The following DOCK4 variants were observed in gnomAD, a reference collection of about 807,000 sequenced individuals.
The protein encoded by DOCK4 is dedicator of cytokinesis 4.
Under a neutral mutation model 268.1 loss-of-function variants are expected in DOCK4, and 97 were observed. The ratio of observed to expected loss-of-function variants is 0.36; its 90% CI spans 0.31 to 0.43. The LOEUF (loss-of-function observed/expected upper bound fraction) is 0.43. Among genes scored for constraint, DOCK4 ranks in the 20% least tolerant of loss-of-function variants. The pLI is 1.00. For synonymous variants in DOCK4, 954 were observed against 887.2 expected, an observed-to-expected ratio of 1.08 and a Z score of -1.34; for missense variants, 2,145 against 2,455.7, an observed-to-expected ratio of 0.87 and a Z score of 2.67.
rs184897030 is a variant in DOCK4 at position 112,200,815 on chromosome 7, G to A, written c.37+5287C>T. Reference sequence around the variant, plus strand: ...GGGCCTTGTGAAGAACTGTCACTTAGGGGAATGACCAAAAGAGGGGAACAT... The same window carrying A: ...GGGCCTTGTGAAGAACTGTCACTTAAGGGAATGACCAAAAGAGGGGAACAT... On this transcript the variant is annotated intron_variant, in intron 1 of 52. Coordinates refer to ENST00000428084, the MANE Select transcript of DOCK4 (RefSeq NM_001363540.2). Among the ~76,000 whole-genome samples, 10 of 150,490 alleles carry A rather than the reference G, an allele frequency of 6.6e-5. No homozygotes were observed. The East Asian group carries it at 1.2e-3, about 18-fold the overall frequency.
At chr7:112,166,862 C>T (rs114951323) in intron 1 of DOCK4, among the ~76,000 whole-genome samples, 2,665 of 151,870 alleles carry the variant, frequency 0.018, 38 homozygotes, top group Middle Eastern at 0.055. Context: ...GACAGAGTCT[C>T]GCCATGTTGC....
chr7:111,921,597 G>C (rs935942288), intron 12 of DOCK4, among the ~76,000 whole-genome samples: 1 of 152,162 alleles, frequency 6.6e-6, no homozygotes, highest in Non-Finnish European at 1.5e-5. Flanking sequence ...TTGTTACTAA[G>C]TGTGCAGTTT....
At chr7:111,847,483 T>C (rs1263830770) in intron 23 of DOCK4, among the ~76,000 whole-genome samples, 1 of 152,152 alleles carries the variant, frequency 6.6e-6, no homozygotes, top group Non-Finnish European at 1.5e-5. Flanking sequence ...TGTTTTTTTT[T>C]TTCCCCCTTG....
intron 1 of DOCK4, among the ~76,000 whole-genome samples, chr7:112,090,759 G>T (rs1809549480): frequency 1.3e-5 from 2 of 152,288 alleles, no homozygotes; most frequent in South Asian, 4.1e-4. Flanking sequence ...CAATAAACAT[G>T]CACTGAATGG....
intron 8 of DOCK4, among the ~76,000 whole-genome samples, chr7:111,957,704 T>G (rs909082859): frequency 6.6e-6 from 1 of 152,182 alleles, no homozygotes; most frequent in African/African-American, 2.4e-5. Context: ...GTGTTCCCAG[T>G]GTCCAAATGA....
intron 1 of DOCK4, among the ~76,000 whole-genome samples, chr7:112,173,937 A>C (rs1168882479): frequency 1.3e-5 from 2 of 152,128 alleles, no homozygotes; most frequent in Non-Finnish European, 2.9e-5. Flanking sequence ...AGCCCTGGGC[A>C]GGTGACCCAC....
chr7:112,144,595 T>C (rs1466651041), intron 1 of DOCK4, among the ~76,000 whole-genome samples: 1 of 152,190 alleles, frequency 6.6e-6, no homozygotes, highest in Non-Finnish European at 1.5e-5. Context: ...ATCTCCAGGA[T>C]GCCAGGTCAT....
intron 51 of DOCK4, 78 bp downstream of exon 51, chr7:111,734,976 C>T: frequency 8.6e-7 from 1 of 1,169,310 alleles, no homozygotes; most frequent in Non-Finnish European, 1.2e-6. Context: ...ACCTTTCTCT[C>T]AGGAATTCAG....
chr7:111,756,183 C>T (rs1357898787), intron 41 of DOCK4, among the ~76,000 whole-genome samples: 1 of 152,008 alleles, frequency 6.6e-6, no homozygotes, highest in African/African-American at 2.4e-5. Context: ...CGCGTCTCTG[C>T]TAAAAATACA....
chr7:112,097,683 T>G (rs965049120), intron 1 of DOCK4, among the ~76,000 whole-genome samples: 1 of 152,258 alleles, frequency 6.6e-6, no homozygotes, highest in African/African-American at 2.4e-5. Flanking sequence ...CTGATCAGTA[T>G]TGTTTGTAAT....
At chr7:111,992,195 T>C (rs928447018) in intron 5 of DOCK4, among the ~76,000 whole-genome samples, 4 of 152,178 alleles carry the variant, frequency 2.6e-5, no homozygotes, top group African/African-American at 4.8e-5. Context: ...GCATTCACCA[T>C]GTGCTTTTAT....
At chr7:111,875,558 A>G (rs1806784934) in intron 17 of DOCK4, among the ~76,000 whole-genome samples, 1 of 152,254 alleles carries the variant, frequency 6.6e-6, no homozygotes, top group Non-Finnish European at 1.5e-5. Flanking sequence ...AGATCTTAAA[A>G]TAGGGAGATT....
At chr7:111,954,821 T>C (rs1056960718) in intron 8 of DOCK4, among the ~76,000 whole-genome samples, 6 of 152,152 alleles carry the variant, frequency 3.9e-5, no homozygotes, top group Non-Finnish European at 7.4e-5. Context: ...CTTGTGTTGT[T>C]TGTTGGCGTG....
intron 4 of DOCK4, among the ~76,000 whole-genome samples, chr7:111,995,459 A>G (rs7802617): frequency 0.21 from 4,209 of 19,772 alleles, 140 homozygotes; most frequent in African/African-American, 0.41. Context: ...GTGTGTGTGT[A>G]TGTGCAGGTG....
intron 42 of DOCK4, among the ~76,000 whole-genome samples, chr7:111,755,256 A>C (rs1796941498): frequency 6.6e-6 from 1 of 151,902 alleles, no homozygotes; most frequent in Admixed American, 6.6e-5. Flanking sequence ...CAAGTCTTCT[A>C]ACTCAAGGGC....
chr7:112,140,898 G>C (rs910491174), intron 1 of DOCK4, among the ~76,000 whole-genome samples: 3 of 152,112 alleles, frequency 2.0e-5, no homozygotes, highest in African/African-American at 4.8e-5. Flanking sequence ...ACCTGACCTC[G>C]AGCAGGCAGA....
intron 9 of DOCK4, 138 bp from the exon 10 acceptor site, chr7:111,945,009 A>G (rs1362981322): frequency 1.4e-6 from 1 of 723,948 alleles, no homozygotes; most frequent in African/African-American, 1.8e-5. Flanking sequence ...GAAGTACATG[A>G]TTTAAATCCT....
chr7:112,198,296 G>A (rs1208298712), intron 1 of DOCK4, among the ~76,000 whole-genome samples: 1 of 152,074 alleles, frequency 6.6e-6, no homozygotes, highest in Admixed American at 6.6e-5. Context: ...CTGCAAACCA[G>A]GAAGAAGGCC....
rs778517253 is a variant in DOCK4 at position 111,728,374 on chromosome 7, T to C, written c.5828A>G (p.Lys1943Arg). 2.6e-6 allele frequency: 4 copies of C among 1,540,504 alleles called. No individual in the cohort carries two copies. The highest frequency in any genetic ancestry group is 2.7e-5 in the African/African-American group (2 of 72,944). ...VTSEPPALPPKPLAARSSHLE... is the reference protein window; with the variant it reads ...VTSEPPALPPRPLAARSSHLE... ...GTGGCTGGATCGCGCTGCCAGAGGC[T>C]TGGGGGGCAGCGCGGGCGGCTCCGA... Residue 1943 changes from lysine to arginine, a missense_variant, in exon 53 of 53, where the codon AAG becomes AGG. By Grantham distance (26) the Lys-to-Arg change is conservative. Coordinates refer to ENST00000428084, the MANE Select transcript of DOCK4 (RefSeq NM_001363540.2).
Sources: gnomAD v4.1 joint callset for allele counts (sites outside exome capture counted in the v4.1 genomes callset) on GRCh38, gnomAD v4.1.1 for gene constraint, MANE v1.5 for transcripts, NCBI Gene and HGNC (gene_info 2026-07-23, HGNC 2026-07-21) for gene names.